SNX4: variants seen among roughly 807,000 people sequenced by gnomAD.
SNX4 encodes the protein sorting nexin 4, also known as sorting nexin-4.
In SNX4, 49 loss-of-function variants were observed where a neutral mutation model predicts 70.8. That is an observed-to-expected ratio of 0.69 (90% confidence interval 0.55 to 0.88). The LOEUF is 0.88. SNX4 is among the 40% of genes least tolerant of loss of function. SNX4 has a pLI of 0.00. For synonymous variants in SNX4, 206 were observed against 183.8 expected, an observed-to-expected ratio of 1.12 and a Z score of -0.98; for missense variants, 528 against 544.8, an observed-to-expected ratio of 0.97 and a Z score of 0.31.
At chr3:125,500,026 C>G (rs913948235) in intron 2 of SNX4, among the ~76,000 whole-genome samples, 95 of 151,934 alleles carry the variant, frequency 6.3e-4, no homozygotes, top group African/African-American at 2.2e-3. Context: ...CGCCAACGCA[C>G]TCCAGCCTGG....
At chr3:125,476,507 G>A (rs1381885426) in intron 8 of SNX4, among the ~76,000 whole-genome samples, 188 bp downstream of exon 8, 2 of 152,074 alleles carry the variant, frequency 1.3e-5, no homozygotes, top group Admixed American at 6.6e-5. Context: ...GGAGGCGGGG[G>A]TTGCAGTGAG....
chr3:125,501,831 T>C (rs543112393), intron 2 of SNX4, among the ~76,000 whole-genome samples: 31 of 152,366 alleles, frequency 2.0e-4, no homozygotes, highest in Non-Finnish European at 3.5e-4. Context: ...AATCCTTTTG[T>C]GTGCCACACA....
intron 2 of SNX4, among the ~76,000 whole-genome samples, chr3:125,501,255 A>C (rs574182506): frequency 3.0e-4 from 46 of 152,324 alleles, no homozygotes; most frequent in African/African-American, 1.1e-3. Flanking sequence ...AACATAAATC[A>C]TAAAGAGAAA....
At chr3:125,463,895 C>T (rs1559811576) in intron 9 of SNX4, among the ~76,000 whole-genome samples, 1 of 152,058 alleles carries the variant, frequency 6.6e-6, no homozygotes, top group Non-Finnish European at 1.5e-5. Flanking sequence ...TCTTCACTGT[C>T]TTAATAGTGT....
chr3:125,475,464 A>C (rs547830985), intron 8 of SNX4, among the ~76,000 whole-genome samples: 1 of 152,290 alleles, frequency 6.6e-6, no homozygotes, highest in Non-Finnish European at 1.5e-5. Context: ...TCCTGGGTTC[A>C]AGCGATTTTC....
At chr3:125,513,255 C>G (rs1935207499) in intron 1 of SNX4, among the ~76,000 whole-genome samples, 1 of 152,150 alleles carries the variant, frequency 6.6e-6, no homozygotes, top group Admixed American at 6.5e-5. Context: ...AGACAGCCTA[C>G]AATGAGCCAG....
intron 8 of SNX4, among the ~76,000 whole-genome samples, chr3:125,473,801 T>C (rs1010709419): frequency 1.3e-5 from 2 of 152,212 alleles, no homozygotes; most frequent in Non-Finnish European, 2.9e-5. Flanking sequence ...ATGTTCCTCA[T>C]CAATTTCTTG....
chr3:125,457,177 A>AGGAGTGAGTTACTCACTC, intron 11 of SNX4, 89 bp downstream of exon 11: 1 of 860,382 alleles, frequency 1.2e-6, no homozygotes, highest in Non-Finnish European at 2.0e-6. Flanking sequence ...CTGATTCTAC[A>AGGAGTGAGTTACTCACTC]GGAGTGAGTT....
intron 1 of SNX4, among the ~76,000 whole-genome samples, chr3:125,509,336 A>C (rs1935117656): frequency 1.3e-5 from 2 of 151,796 alleles, no homozygotes; most frequent in South Asian, 4.1e-4. Flanking sequence ...GTCTCAAAAA[A>C]AAAAAAAAAA....
chr3:125,464,980 C>T (rs966398531), intron 9 of SNX4, among the ~76,000 whole-genome samples: 11 of 151,766 alleles, frequency 7.2e-5, no homozygotes, highest in African/African-American at 2.4e-4. Context: ...CCTGACCTCA[C>T]ATAATCCACC....
rs1358007386 is a variant in SNX4 at position 125,478,496 on chromosome 3, T to C, written c.727-1740A>G. Among the ~76,000 whole-genome samples, 3 of 152,024 alleles carry C rather than the reference T, an allele frequency of 2.0e-5. No homozygotes were observed. In the East Asian group the frequency reaches 5.8e-4, roughly 29 times the overall value. On this transcript the variant is annotated intron_variant, in intron 7 of 13. Coordinates refer to ENST00000251775, the MANE Select transcript of SNX4 (RefSeq NM_003794.4). ...CAATAAAATTTAACAGTTTTTTTTC[T>C]GTAGGACCTTTTAGACCTTTAACAC...
chr3:125,493,527 G>A (rs1483110418), intron 5 of SNX4, among the ~76,000 whole-genome samples: 7 of 151,178 alleles, frequency 4.6e-5, no homozygotes, highest in Admixed American at 1.3e-4. Flanking sequence ...GGTGGTGGGC[G>A]CCTGTAGTCT....
At chr3:125,497,503 T>A in intron 4 of SNX4, 115 bp from the exon 5 acceptor site, 1 of 739,212 alleles carries the variant, frequency 1.4e-6, no homozygotes, top group Non-Finnish European at 2.3e-6. Context: ...GAGAGAAGTT[T>A]AAAAAAATTT....
At chr3:125,511,259 G>T (rs1208381108) in intron 1 of SNX4, among the ~76,000 whole-genome samples, 3 of 152,092 alleles carry the variant, frequency 2.0e-5, no homozygotes, top group African/African-American at 7.2e-5. Context: ...ATAAAAATAT[G>T]AATGATCCTC....
chr3:125,454,356 AT>A (rs897580966), intron 11 of SNX4, among the ~76,000 whole-genome samples: 3 of 152,166 alleles, frequency 2.0e-5, no homozygotes, highest in African/African-American at 7.2e-5. Context: ...CACGAACCCT[AT>A]TGTGAACTGC....
intron 1 of SNX4, among the ~76,000 whole-genome samples, chr3:125,518,106 T>C (rs1935320112): frequency 6.6e-6 from 1 of 152,214 alleles, no homozygotes; most frequent in Non-Finnish European, 1.5e-5. Flanking sequence ...AAGACATATA[T>C]AATGCCTTTT....
intron 1 of SNX4, among the ~76,000 whole-genome samples, chr3:125,515,291 G>A (rs921919075): frequency 6.6e-6 from 1 of 151,928 alleles, no homozygotes; most frequent in African/African-American, 2.4e-5. Context: ...GATGAAGGCT[G>A]AAGTGAGCCG....
intron 9 of SNX4, among the ~76,000 whole-genome samples, chr3:125,462,289 T>C (rs1933901610): frequency 1.3e-5 from 2 of 152,174 alleles, no homozygotes; most frequent in Admixed American, 1.3e-4. Flanking sequence ...ATTGATAGGC[T>C]GACTGTGACA....
chr3:125,497,066 T>G (rs1469248139), intron 5 of SNX4, among the ~76,000 whole-genome samples: 1 of 146,350 alleles, frequency 6.8e-6, no homozygotes, highest in South Asian at 2.1e-4. Flanking sequence ...GCTTCATTAC[T>G]ATAAACACTA....
Sources: gnomAD v4.1 joint callset for allele counts (sites outside exome capture counted in the v4.1 genomes callset) on GRCh38, gnomAD v4.1.1 for gene constraint, MANE v1.5 for transcripts, NCBI Gene and HGNC (gene_info 2026-07-23, HGNC 2026-07-21) for gene names.